The following PRDM15 variants were observed in gnomAD, a reference collection of about 807,000 sequenced individuals.
PRDM15 encodes the protein PR domain zinc finger protein 15.
A neutral mutation model predicts 128.6 loss-of-function variants in PRDM15; 64 were observed. The ratio of observed to expected loss-of-function variants is 0.50; its 90% CI spans 0.41 to 0.61. The LOEUF is 0.61. PRDM15 is among the 20% of genes least tolerant of loss of function. The pLI is 0.00. For synonymous variants in PRDM15, 615 were observed against 621.8 expected, an observed-to-expected ratio of 0.99 and a Z score of 0.16; for missense variants, 1,242 against 1,569.1, an observed-to-expected ratio of 0.79 and a Z score of 3.52.
chr21:41,812,247 G>C (rs1330038805), intron 19 of PRDM15: 1 of 152,188 alleles, frequency 6.6e-6, no homozygotes, highest in African/African-American at 2.4e-5. Flanking sequence ...ACTTTTGATT[G>C]ACATCAAACT....
chr21:41,806,066 T>TCACCATCAC (rs2061576002), intron 21 of PRDM15, among the ~76,000 whole-genome samples: 4 of 7,598 alleles, frequency 5.3e-4, no homozygotes, highest in Admixed American at 3.1e-3. Context: ...ACCATCACCA[T>TCACCATCAC]CACCACCACC....
chr21:41,818,902 C>T (rs1403762322), intron 18 of PRDM15, among the ~76,000 whole-genome samples: 1 of 152,188 alleles, frequency 6.6e-6, no homozygotes. Context: ...TCTGTCGTTA[C>T]AATGAAGATT....
intron 3 of PRDM15, among the ~76,000 whole-genome samples, chr21:41,858,490 C>T (rs2063709689): frequency 6.6e-6 from 1 of 150,804 alleles, no homozygotes; most frequent in Non-Finnish European, 1.5e-5. Flanking sequence ...CAGAGGCGGA[C>T]ATTGGGTGCC....
chr21:41,841,713 G>C (rs1303612435), intron 6 of PRDM15, among the ~76,000 whole-genome samples: 1 of 152,214 alleles, frequency 6.6e-6, no homozygotes, highest in African/African-American at 2.4e-5. Flanking sequence ...TACTCTACTT[G>C]TTAGATGCGG....
At chr21:41,867,370 A>C in intron 1 of PRDM15, 1 of 1,613,642 alleles carries the variant, frequency 6.2e-7, no homozygotes, top group Non-Finnish European at 8.5e-7. Context: ...AGTTTTGTGC[A>C]AAGGGTCCTG....
intron 5 of PRDM15, 65 bp from the exon 6 acceptor site, chr21:41,847,256 G>A (rs1000868091): frequency 7.7e-6 from 9 of 1,175,980 alleles, no homozygotes; most frequent in South Asian, 4.3e-5. Flanking sequence ...CATGAATCCC[G>A]GCGCAGCGGA....
At chr21:41,856,143 TCCTTCCTTCCCTCCCTCCCCTCCCTC>T (rs1245583237) in intron 4 of PRDM15, among the ~76,000 whole-genome samples, 36 of 2,504 alleles carry the variant, frequency 0.014, no homozygotes, top group Non-Finnish European at 0.016. Context: ...TCCCTTCCTT[TCCTTCCTTCCCTCCCTCCCCTCCCTC>T]CCTTCCTTCC....
intron 16 of PRDM15, 82 bp downstream of exon 16, chr21:41,820,985 C>G (rs2062239177): frequency 6.4e-7 from 1 of 1,557,120 alleles, no homozygotes; most frequent in Admixed American, 1.7e-5. Context: ...CTACAAATGG[C>G]TCCTTATAGC....
chr21:41,827,649 A>G (rs570634655), intron 12 of PRDM15, among the ~76,000 whole-genome samples: 21 of 152,208 alleles, frequency 1.4e-4, no homozygotes, highest in Admixed American at 1.3e-4. Flanking sequence ...GGAGGGTTCT[A>G]CTTTACACAG....
chr21:41,812,220 T>C (rs1246725457), intron 19 of PRDM15: 1 of 152,232 alleles, frequency 6.6e-6, no homozygotes. Flanking sequence ...CACTGTTTTG[T>C]TGCTTATTTT....
chr21:41,823,184 C>T, intron 14 of PRDM15, 134 bp downstream of exon 14: 4 of 1,208,002 alleles, frequency 3.3e-6, no homozygotes, highest in Non-Finnish European at 4.7e-6. Flanking sequence ...GGTCTAGCCT[C>T]CAGAACCGTG....
Position 41,802,862 on chromosome 21 carries a change from C to G in PRDM15, c.2793G>C (p.Lys931Asn). 2.5e-6 allele frequency: 4 copies of G among 1,614,190 alleles called. No homozygotes were observed. Among genetic ancestry groups the G allele is most frequent in the Non-Finnish European group, 3.4e-6 (4 of 1,180,048 alleles). The change falls in exon 23 of 24, where the codon AAG becomes AAC. Residue 931 changes from lysine to asparagine, a missense_variant. Lys to Asn is a moderately conservative substitution (Grantham distance 94). Coordinates refer to ENST00000398548, the MANE Select transcript of PRDM15 (RefSeq NM_001040424.3). ...GCTTCTGCTTTCTCTTGTGACTTCGCTTGGCAGCTTTCCCGTGCTTCCCTT... is the reference window on the plus strand; with the variant it reads ...GCTTCTGCTTTCTCTTGTGACTTCGGTTGGCAGCTTTCCCGTGCTTCCCTT... ...LAEGKHGKAAKRSHKRKQKPE... is the reference protein window; with the variant it reads ...LAEGKHGKAANRSHKRKQKPE...
intron 1 of PRDM15, among the ~76,000 whole-genome samples, chr21:41,874,288 T>G (rs928530495): frequency 1.3e-5 from 2 of 151,482 alleles, no homozygotes; most frequent in South Asian, 2.1e-4. Context: ...AGAATGAGAA[T>G]AGGCAGAGAG....
chr21:41,835,592 G>T, intron 10 of PRDM15, 68 bp from the exon 11 acceptor site: 1 of 1,353,724 alleles, frequency 7.4e-7, no homozygotes. Flanking sequence ...AGCCCCCGAC[G>T]TGCTGCCCGG....
At chr21:41,872,159 CAA>C (rs2146025312) in intron 1 of PRDM15, 1 of 152,224 alleles carries the variant, frequency 6.6e-6, no homozygotes, top group South Asian at 2.1e-4. Flanking sequence ...CTTTAAAAAA[CAA>C]AAAGTGCCCC....
chr21:41,827,711 T>A (rs543654557), intron 12 of PRDM15, among the ~76,000 whole-genome samples: 1 of 152,368 alleles, frequency 6.6e-6, no homozygotes, highest in Admixed American at 6.5e-5. Context: ...TCATTTGTAA[T>A]TATAAAATAA....
At position 41,828,059 on chromosome 21, in the gene PRDM15, G is replaced by T; in HGVS notation, c.1534+107C>A. Reference sequence around the variant, plus strand: ...GGCGTTTCCAGGCAAAGGAGCAGGCGGCACCGAACTGCTCCCCAAAGGCCC... The same window carrying T: ...GGCGTTTCCAGGCAAAGGAGCAGGCTGCACCGAACTGCTCCCCAAAGGCCC... On this transcript the variant is annotated intron_variant, in intron 12 of 23. Coordinates refer to ENST00000398548, the MANE Select transcript of PRDM15 (RefSeq NM_001040424.3). The surrounding 1 kb of genome is among the most constrained non-coding windows in gnomAD (Gnocchi z 5.7). 8.9e-7 allele frequency: 1 copy of T among 1,120,536 alleles called. No individual in the cohort carries two copies. The highest frequency in any genetic ancestry group is 1.3e-6 in the Non-Finnish European group (1 of 766,492). 69.4% of individuals were successfully genotyped at this position (1,120,536 alleles called of 1,614,324 possible). A position where few individuals can be genotyped will look rare whatever the true frequency, so the allele number is the denominator to read the frequency against.
chr21:41,866,025 G>T (rs2063996065), intron 1 of PRDM15, among the ~76,000 whole-genome samples: 1 of 152,144 alleles, frequency 6.6e-6, no homozygotes, highest in African/African-American at 2.4e-5. Flanking sequence ...ACAGGTATGA[G>T]ACCCCACGCC....
rs528559505 is a variant in PRDM15, at chr21:41,819,529, G to A, written c.2260+53C>T. 6.6e-6 allele frequency: 10 copies of A among 1,525,698 alleles called. No individual in the cohort carries two copies. In the African/African-American group the frequency reaches 1.4e-4, roughly 22 times the overall value. The allele number at this position is 1,525,698 out of a possible 1,614,324, so 94.5% of individuals were successfully genotyped here. On this transcript the variant is annotated intron_variant, in intron 18 of 23. Transcript: ENST00000398548. ...CGCTCATGTCCCCTTCCAGCACCCT[G>A]CAGCAGGGTGGCCTGGCTGAGCCTG...
Sources: gnomAD v4.1 joint callset for allele counts (sites outside exome capture counted in the v4.1 genomes callset) on GRCh38, gnomAD v4.1.1 for gene constraint, Gnocchi (gnomAD v3.1) non-coding constraint, MANE v1.5 for transcripts, NCBI Gene and HGNC (gene_info 2026-07-23, HGNC 2026-07-21) for gene names.